RNF180: variants seen among roughly 807,000 people sequenced by gnomAD.
The protein encoded by RNF180 is ring finger protein 180, also known as E3 ubiquitin-protein ligase RNF180.
A neutral mutation model predicts 59.2 loss-of-function variants in RNF180; 38 were observed. The ratio of observed to expected loss-of-function variants is 0.64; its 90% CI spans 0.50 to 0.84. The LOEUF (loss-of-function observed/expected upper bound fraction) is 0.84, where lower values mean the gene tolerates loss of function less well. Among genes scored for constraint, RNF180 ranks in the 40% least tolerant of loss-of-function variants. RNF180 has a pLI of 0.00. For missense variants in RNF180, 705 were observed against 700.9 expected (o/e 1.01, Z -0.07); for synonymous variants, 262 against 240.3 (o/e 1.09, Z -0.84).
chr5:64,276,627 A>C (rs1389709357), intron 5 of RNF180, among the ~76,000 whole-genome samples: 2 of 151,954 alleles, frequency 1.3e-5, no homozygotes, highest in African/African-American at 4.8e-5. Context: ...TCTCTCAGTG[A>C]TAGCTCAATG....
At position 64,325,411 on chromosome 5, in the gene RNF180, G is replaced by A. The variant is rs1439407436; in HGVS notation, c.1453G>A (p.Glu485Lys). 6.6e-7 allele frequency: 1 copy of A among 1,525,098 alleles called. No individual in the cohort carries two copies. Among genetic ancestry groups the A allele is most frequent in the East Asian group, 2.5e-5 (1 of 40,778 alleles). The allele number at this position is 1,525,098 out of a possible 1,614,324, so 94.5% of individuals were successfully genotyped here. A position where few individuals can be genotyped will look rare whatever the true frequency, so the allele number is the denominator to read the frequency against. ...TIISRVFFQT[E>K]LNNATKTFFT... ...TATTTCTAGAGTCTTTTTCCAAACAGGTAACAATTCTCTTTCATTAACATG... is the reference window on the plus strand; with the variant it reads ...TATTTCTAGAGTCTTTTTCCAAACAAGTAACAATTCTCTTTCATTAACATG... The change falls in exon 6 of 8, where the codon GAA becomes AAA. Residue 485 changes from glutamate to lysine, a missense_variant and splice_region_variant. Glu to Lys is a moderately conservative substitution (Grantham distance 56). Coordinates refer to ENST00000389100, the MANE Select transcript of RNF180 (RefSeq NM_001113561.2).
In RNF180 at chr5:64,250,847, C is replaced by T. The variant is rs549154756; in HGVS notation, c.1227+33451C>T. On this transcript the variant is annotated intron_variant, in intron 5 of 7. Coordinates refer to ENST00000389100, the MANE Select transcript of RNF180 (RefSeq NM_001113561.2). ...TTGAAGAGGAGGGAATACTTTCAAA[C>T]TCATTTATAATGCCACAATCACCCT... Among the ~76,000 whole-genome samples, 5 of 152,258 alleles carry T rather than the reference C, an allele frequency of 3.3e-5. No homozygotes were observed. The East Asian group carries it at 7.7e-4, about 24-fold the overall frequency.
intron 4 of RNF180, among the ~76,000 whole-genome samples, chr5:64,215,934 A>G (rs752771641): frequency 2.0e-5 from 3 of 152,162 alleles, no homozygotes; most frequent in African/African-American, 4.8e-5. Context: ...ATCATTTTCC[A>G]TCATAGGAAT....
chr5:64,237,639 T>C (rs117500541), intron 5 of RNF180, among the ~76,000 whole-genome samples: 2 of 152,164 alleles, frequency 1.3e-5, no homozygotes, highest in Admixed American at 6.5e-5. Context: ...CAGAATGATA[T>C]GGTTTGGCCG....
At chr5:64,308,302 A>C (rs74744976) in intron 5 of RNF180, among the ~76,000 whole-genome samples, 2,982 of 151,852 alleles carry the variant, frequency 0.02, 97 homozygotes, top group African/African-American at 0.068. Flanking sequence ...GTTGACATGC[A>C]CAGAACAGCA....
intron 7 of RNF180, among the ~76,000 whole-genome samples, chr5:64,340,642 T>G (rs1232358739): frequency 1.3e-5 from 2 of 152,206 alleles, no homozygotes; most frequent in Non-Finnish European, 2.9e-5. Flanking sequence ...AAAGGTACAT[T>G]AACCCTTACA....
chr5:64,201,024 C>A, intron 2 of RNF180, 82 bp downstream of exon 2: 2 of 1,019,224 alleles, frequency 2.0e-6, no homozygotes, highest in Non-Finnish European at 1.4e-6. Flanking sequence ...ACTTATTCTT[C>A]TCTACCTTAT....
chr5:64,177,241 A>T (rs951960), intron 1 of RNF180, among the ~76,000 whole-genome samples: 66,950 of 151,728 alleles, frequency 0.44, 15,893 homozygotes, highest in African/African-American at 0.62. Flanking sequence ...AACCCTACAC[A>T]TTCCCGACTT....
intron 5 of RNF180, among the ~76,000 whole-genome samples, chr5:64,288,197 A>C (rs1742388865): frequency 6.6e-6 from 1 of 152,158 alleles, no homozygotes; most frequent in East Asian, 1.9e-4. Flanking sequence ...GGGTTGTTGA[A>C]GATCAGATGG....
chr5:64,198,106 G>T, intron 1 of RNF180, among the ~76,000 whole-genome samples: 1 of 152,186 alleles, frequency 6.6e-6, no homozygotes, highest in South Asian at 2.1e-4. Context: ...AAAGAAACAG[G>T]TTAAATTAAT....
intron 7 of RNF180, among the ~76,000 whole-genome samples, chr5:64,353,740 T>TA (rs1745907832): frequency 2.0e-5 from 3 of 151,830 alleles, no homozygotes; most frequent in African/African-American, 7.2e-5. Context: ...TAAGTCTTGA[T>TA]ACATTTTAAA....
intron 7 of RNF180, among the ~76,000 whole-genome samples, chr5:64,349,581 CCTT>C (rs1220495335): frequency 6.6e-6 from 1 of 151,918 alleles, no homozygotes. Flanking sequence ...ATCTCTCCCC[CCTT>C]GCCCCCCACC....
rs756321430 is a variant in RNF180, at chr5:64,214,193, T to C, written c.867T>C (p.Ser289=). The change falls in exon 4 of 8, where the codon AGT becomes AGC. Residue 289 remains serine, a synonymous_variant. Transcript: ENST00000389100. Reference sequence around the variant, plus strand: ...AGAATCCATCCAGTTTTGATCCTAGTATGCTGCTGCAAAGATTTTCAGTGG... The same window carrying C: ...AGAATCCATCCAGTTTTGATCCTAGCATGCTGCTGCAAAGATTTTCAGTGG... ...SFQNPSSFDP[S]MLLQRFSVAP... is the part of the protein sequence containing the mutation. 1.4e-5 allele frequency: 22 copies of C among 1,614,122 alleles called. No homozygotes were observed. Among genetic ancestry groups the C allele is most frequent in the Non-Finnish European group, 1.9e-5 (22 of 1,179,996 alleles).
chr5:64,189,980 C>T (rs1310651685), intron 1 of RNF180, among the ~76,000 whole-genome samples: 1 of 152,190 alleles, frequency 6.6e-6, no homozygotes, highest in Non-Finnish European at 1.5e-5. Context: ...ACAGAGATGC[C>T]TCCACAGGCC....
intron 5 of RNF180, 55 bp downstream of exon 5, chr5:64,217,451 G>T: frequency 2.2e-6 from 3 of 1,336,752 alleles, no homozygotes; most frequent in Non-Finnish European, 2.9e-6. Flanking sequence ...CAGAATGGCT[G>T]TACCATTTTG....
At chr5:64,216,424 A>T (rs1469124675) in intron 4 of RNF180, among the ~76,000 whole-genome samples, 1 of 152,192 alleles carries the variant, frequency 6.6e-6, no homozygotes, top group Non-Finnish European at 1.5e-5. Flanking sequence ...GTCTTTGAGT[A>T]ATGACTTCAG....
rs939593526 is a variant in RNF180, at chr5:64,351,776, C to T, written c.1580-17839C>T. Among the ~76,000 whole-genome samples the T allele has an allele frequency of 9.7e-4, 147 of 151,876 alleles. 1 individual carries two copies. Among genetic ancestry groups the T allele is most frequent in the Non-Finnish European group, 1.7e-3 (118 of 67,904 alleles). The stretch of plus-strand genomic sequence containing the variant: ...AGCCCACTTGATCATGGTGGATAAG[C>T]TTTTTGATGTGCTGCTGGATTCAGT... On this transcript the variant is annotated intron_variant, in intron 7 of 7. Transcript: ENST00000389100.
intron 5 of RNF180, among the ~76,000 whole-genome samples, chr5:64,223,146 C>A (rs1379126545): frequency 6.6e-6 from 1 of 152,148 alleles, no homozygotes; most frequent in Non-Finnish European, 1.5e-5. Flanking sequence ...ATAATAGAAT[C>A]TGTTCCTTTC....
chr5:64,296,022 A>T (rs181176898), intron 5 of RNF180, among the ~76,000 whole-genome samples: 79 of 152,276 alleles, frequency 5.2e-4, no homozygotes, highest in Non-Finnish European at 1.1e-3. Context: ...AGAAATTAAG[A>T]GTATTTCTAG....
Sources: gnomAD v4.1 joint callset for allele counts (sites outside exome capture counted in the v4.1 genomes callset) on GRCh38, gnomAD v4.1.1 for gene constraint, MANE v1.5 for transcripts, NCBI Gene and HGNC (gene_info 2026-07-23, HGNC 2026-07-21) for gene names.